Variants in ZZZ3 observed in about 807,000 individuals in gnomAD.
The protein encoded by ZZZ3 is ZZ-type zinc finger-containing protein 3.
ZZZ3 carries 22 observed loss-of-function variants against 95.2 expected under a neutral mutation model. The observed-to-expected ratio is 0.23, with a 90% CI of 0.17 to 0.33. The LOEUF is 0.33. ZZZ3 is among the 10% of genes least tolerant of loss of function. The probability of loss-of-function intolerance (pLI) is 1.00; values close to 1 mark genes in which losing one functional copy is unlikely to be tolerated. For missense variants in ZZZ3, 885 were observed against 1,066.5 expected (o/e 0.83, Z 2.37); for synonymous variants, 335 against 358.9 (o/e 0.93, Z 0.75).
chr1:77,583,065 C>T (rs867031587), intron 6 of ZZZ3, among the ~76,000 whole-genome samples: 1 of 151,920 alleles, frequency 6.6e-6, no homozygotes, highest in Non-Finnish European at 1.5e-5. Context: ...AGATCAGACC[C>T]CACTGCACTC....
chr1:77,671,040 A>G (rs1293063509), intron 1 of ZZZ3, among the ~76,000 whole-genome samples: 1 of 151,824 alleles, frequency 6.6e-6, no homozygotes, highest in Non-Finnish European at 1.5e-5. Context: ...TTTTTAAAAA[A>G]AAAAAAACTT....
intron 1 of ZZZ3, among the ~76,000 whole-genome samples, chr1:77,662,203 G>T (rs536293157): frequency 6.6e-6 from 1 of 151,940 alleles, no homozygotes; most frequent in African/African-American, 2.4e-5. Flanking sequence ...TAGTAGAGAC[G>T]GGGTCTCACC....
intron 12 of ZZZ3, among the ~76,000 whole-genome samples, chr1:77,575,488 C>CCTA (rs1216055983): frequency 6.6e-6 from 1 of 152,146 alleles, no homozygotes; most frequent in Non-Finnish European, 1.5e-5. Flanking sequence ...ATGCTCTTGA[C>CCTA]CTACTATGAA....
At chr1:77,616,640 G>A (rs1014427962) in intron 5 of ZZZ3, among the ~76,000 whole-genome samples, 4 of 152,134 alleles carry the variant, frequency 2.6e-5, no homozygotes, top group Admixed American at 1.3e-4. Flanking sequence ...CGAGGTGGGT[G>A]GATCACGAGG....
intron 1 of ZZZ3, among the ~76,000 whole-genome samples, chr1:77,670,077 C>T (rs1036602490): frequency 6.8e-6 from 1 of 146,552 alleles, no homozygotes; most frequent in Non-Finnish European, 1.5e-5. Context: ...TTGTGACCCC[C>T]CCCCCCCATA....
At chr1:77,655,267 G>T (rs1204945429) in intron 1 of ZZZ3, among the ~76,000 whole-genome samples, 1 of 152,160 alleles carries the variant, frequency 6.6e-6, no homozygotes, top group African/African-American at 2.4e-5. Context: ...TGGGGATTAA[G>T]TTTCAACATG....
intron 5 of ZZZ3, among the ~76,000 whole-genome samples, chr1:77,596,785 C>T (rs1319461819): frequency 6.6e-6 from 1 of 151,986 alleles, no homozygotes; most frequent in Non-Finnish European, 1.5e-5. Context: ...TGACAGGTGG[C>T]CAGGATTGCC....
intron 12 of ZZZ3, among the ~76,000 whole-genome samples, chr1:77,569,538 G>A (rs1277099484): frequency 6.6e-6 from 1 of 152,032 alleles, no homozygotes; most frequent in Non-Finnish European, 1.5e-5. Context: ...ACAACACTGT[G>A]GTTCATCATC....
intron 5 of ZZZ3, among the ~76,000 whole-genome samples, chr1:77,628,002 G>A (rs553255561): frequency 9.5e-4 from 144 of 152,162 alleles, no homozygotes; most frequent in Non-Finnish European, 1.3e-3. Context: ...CAGTGATTAC[G>A]TTTTGAATTG....
At chr1:77,603,513 T>TA (rs1261873643) in intron 5 of ZZZ3, among the ~76,000 whole-genome samples, 3 of 152,182 alleles carry the variant, frequency 2.0e-5, no homozygotes, top group African/African-American at 4.8e-5. Flanking sequence ...GGGAATCTCT[T>TA]AAGAATAAAA....
intron 5 of ZZZ3, among the ~76,000 whole-genome samples, chr1:77,620,484 T>TGGAAGGAA (rs67469701): frequency 0.029 from 3,889 of 135,782 alleles, 69 homozygotes; most frequent in Non-Finnish European, 0.041. Context: ...AACGAAAGAA[T>TGGAAGGAA]GGAAGGAAGG....
intron 12 of ZZZ3, among the ~76,000 whole-genome samples, chr1:77,572,986 C>T (rs1488988774): frequency 6.6e-6 from 1 of 152,088 alleles, no homozygotes; most frequent in Non-Finnish European, 1.5e-5. Context: ...CACTCTTCAT[C>T]TGGCCAATTT....
In ZZZ3 at chr1:77,632,868, C is replaced by T; in HGVS notation, c.487G>A (p.Ala163Thr). 1 of 1,614,156 alleles carries T rather than the reference C, an allele frequency of 6.2e-7. No homozygotes were observed. The change falls in exon 5 of 15, where the codon GCT becomes ACT. Residue 163 changes from alanine to threonine, a missense_variant. By Grantham distance (58) the Ala-to-Thr change is moderately conservative (BLOSUM62 0). Coordinates refer to ENST00000370801, the MANE Select transcript of ZZZ3 (RefSeq NM_015534.6). ...TCATCCAGTATAAGACATCGACAAG[C>T]TCGTTTAGTCCCTTGAAAATCTGCA... Reference protein sequence around the residue: ...NDADFQGTKRACRCLILDDCE... With the variant: ...NDADFQGTKRTCRCLILDDCE...
intron 1 of ZZZ3, chr1:77,645,714 G>A (rs1396847908): frequency 6.6e-6 from 1 of 152,138 alleles, no homozygotes; most frequent in Non-Finnish European, 1.5e-5. Flanking sequence ...GCTCACGCCT[G>A]TAATGCAGCA....
chr1:77,609,161 C>A (rs528113259), intron 5 of ZZZ3, among the ~76,000 whole-genome samples: 18 of 152,144 alleles, frequency 1.2e-4, no homozygotes, highest in African/African-American at 4.1e-4. Context: ...CCTATAAAGA[C>A]AGACATACAC....
chr1:77,638,809 AAACTATTTAAT>A lies in ZZZ3; in HGVS notation c.-52+629_-52+639del, dbSNP rs552538861. Among the ~76,000 whole-genome samples, 535 of 152,354 alleles carry A rather than the reference AAACTATTTAAT, an allele frequency of 3.5e-3. 3 individuals are homozygous for A. The highest frequency in any genetic ancestry group is 0.012 in the African/African-American group (510 of 41,572). ...ATTCTTTTTCTAGTTGTCTAAACATAAACTATTTAATAACGTTGAGGCCATGTTTGTCATAT... is the reference window on the plus strand; with the variant it reads ...ATTCTTTTTCTAGTTGTCTAAACATAAACGTTGAGGCCATGTTTGTCATAT... On this transcript the variant is annotated intron_variant, in intron 4 of 14. Coordinates refer to ENST00000370801, the MANE Select transcript of ZZZ3 (RefSeq NM_015534.6).
intron 11 of ZZZ3, among the ~76,000 whole-genome samples, chr1:77,578,354 G>A (rs1341776900): frequency 6.6e-6 from 1 of 152,120 alleles, no homozygotes; most frequent in African/African-American, 2.4e-5. Flanking sequence ...GACAACAGGT[G>A]CACACCACTG....
chr1:77,678,229 A>G lies in ZZZ3; in HGVS notation c.-403+4356T>C, dbSNP rs373204618. On this transcript the variant is annotated intron_variant, in intron 1 of 14. Coordinates refer to ENST00000370801, the MANE Select transcript of ZZZ3 (RefSeq NM_015534.6). ...TTAGGCAATTGGTTGTTCATTACTG[A>G]TATCAAATATTAAATGTAATAGAGC... is the stretch of plus-strand genomic sequence containing the variant. Among the ~76,000 whole-genome samples, 232 of 152,316 alleles carry G rather than the reference A, an allele frequency of 1.5e-3. 2 individuals carry two copies. The highest frequency in any genetic ancestry group is 5.3e-3 in the African/African-American group (221 of 41,578).
chr1:77,622,804 C>T (rs900581428), intron 5 of ZZZ3, among the ~76,000 whole-genome samples: 1 of 152,096 alleles, frequency 6.6e-6, no homozygotes, highest in African/African-American at 2.4e-5. Context: ...CATCATTCTT[C>T]AATTAAAATT....
Sources: allele counts gnomAD v4.1 joint callset (sites outside exome capture counted in the v4.1 genomes callset), GRCh38; gene constraint gnomAD v4.1.1; transcripts MANE v1.5; gene names NCBI Gene and HGNC (gene_info 2026-07-23, HGNC 2026-07-21).